RAP1GAP2: variants seen among roughly 807,000 people sequenced by gnomAD.
RAP1GAP2 encodes rap1 GTPase-activating protein 2.
A neutral mutation model predicts 95.0 loss-of-function variants in RAP1GAP2; 27 were observed. The ratio of observed to expected loss-of-function variants is 0.28; its 90% CI spans 0.21 to 0.39. RAP1GAP2 has a LOEUF of 0.39. Among genes scored for constraint, RAP1GAP2 ranks in the 10% least tolerant of loss-of-function variants. RAP1GAP2 has a pLI of 1.00. For synonymous variants in RAP1GAP2, 373 were observed against 380.9 expected (o/e 0.98, Z 0.24); for missense variants, 771 against 970.0 (o/e 0.79, Z 2.72).
At chr17:2,772,032 C>T (rs1317542892) in intron 2 of RAP1GAP2, among the ~76,000 whole-genome samples, 1 of 152,074 alleles carries the variant, frequency 6.6e-6, no homozygotes, top group African/African-American at 2.4e-5. Flanking sequence ...TCTTGTTACC[C>T]AGCCTGGAGT....
intron 2 of RAP1GAP2, among the ~76,000 whole-genome samples, chr17:2,831,718 C>T (rs2070862622): frequency 6.6e-6 from 1 of 151,740 alleles, no homozygotes; most frequent in South Asian, 2.1e-4. Flanking sequence ...GGCAGCATGA[C>T]AAAACCTCAT....
At position 3,005,914 on chromosome 17, in the gene RAP1GAP2, G is replaced by T; in HGVS notation, c.1273-41G>T. 6.3e-7 allele frequency: 1 copy of T among 1,577,890 alleles called. No individual in the cohort carries two copies. Among genetic ancestry groups the T allele is most frequent in the Non-Finnish European group, 8.7e-7 (1 of 1,147,216 alleles). On this transcript the variant is annotated intron_variant, in intron 15 of 24. Transcript: ENST00000254695. The surrounding 1 kb of genome is among the most constrained non-coding windows in gnomAD (Gnocchi z 5.2). ...TGTGGCTGAAGACCTTCTGGCAACA[G>T]CCGAGAGTGACAGACCTGAGGTCCG... is the stretch of plus-strand genomic sequence containing the variant.
intron 10 of RAP1GAP2, among the ~76,000 whole-genome samples, chr17:2,982,498 A>G (rs1193676922): frequency 2.6e-5 from 4 of 152,166 alleles, no homozygotes; most frequent in South Asian, 2.1e-4. Context: ...CCGTGTATCC[A>G]TCTGCAGTGG....
At chr17:2,917,565 C>T (rs2042612566) in intron 3 of RAP1GAP2, among the ~76,000 whole-genome samples, 1 of 151,648 alleles carries the variant, frequency 6.6e-6, no homozygotes. Flanking sequence ...CCACCGTGCC[C>T]AGCCATTTTT....
intron 2 of RAP1GAP2, among the ~76,000 whole-genome samples, chr17:2,806,280 C>T (rs966401546): frequency 6.6e-6 from 1 of 152,092 alleles, no homozygotes; most frequent in Non-Finnish European, 1.5e-5. Flanking sequence ...TTTCCTAGGT[C>T]CCTGGGGACT....
rs60085718 is a variant in RAP1GAP2 at position 2,766,212 on chromosome 17, G to A, written c.51-4117G>A. On this transcript the variant is annotated intron_variant, in intron 1 of 25. Transcript: ENST00000637138. ...TGCACCCTGGGGCCCATTCTACCAC[G>A]GCGCCTTTCTCCCAGTGAGTCCTTG... is the stretch of plus-strand genomic sequence containing the variant. Among the ~76,000 whole-genome samples, 2,503 of 152,224 alleles carry A rather than the reference G, an allele frequency of 0.016. 190 individuals carry two copies. The East Asian group carries it at 0.23, about 14-fold the overall frequency.
chr17:2,814,896 C>T (rs1279393176), intron 2 of RAP1GAP2, among the ~76,000 whole-genome samples: 1 of 152,096 alleles, frequency 6.6e-6, no homozygotes, highest in Non-Finnish European at 1.5e-5. Flanking sequence ...GGTGCTTTGC[C>T]ACCAGCAGAC....
chr17:2,799,158 G>A (rs1315670324), intron 1 of RAP1GAP2, among the ~76,000 whole-genome samples: 1 of 152,198 alleles, frequency 6.6e-6, no homozygotes, highest in African/African-American at 2.4e-5. Flanking sequence ...AGCAGAGTGT[G>A]GGGCTCTGAG....
At chr17:2,820,392 G>A (rs1359372323) in intron 2 of RAP1GAP2, among the ~76,000 whole-genome samples, 3 of 152,098 alleles carry the variant, frequency 2.0e-5, no homozygotes, top group Non-Finnish European at 2.9e-5. Context: ...AGGCCAAGGT[G>A]GGCGGATCAC....
rs1185708288 is a variant in RAP1GAP2, at chr17:3,027,212, G to A, written c.2107+142G>A. 11 of 1,089,930 alleles carry A rather than the reference G, an allele frequency of 1.0e-5. No individual in the cohort carries two copies. The highest frequency in any genetic ancestry group is 5.6e-5 in the South Asian group (3 of 53,238). The allele number at this position is 1,089,930 out of a possible 1,614,324, so 67.5% of individuals were successfully genotyped here. ...GTGAGGCCCTCCGCTCTGTGCGCCC[G>A]CCTCTTCTGTTCATCAGCCTTAAGA... On this transcript the variant is annotated intron_variant, in intron 22 of 24. Coordinates refer to ENST00000254695, the MANE Select transcript of RAP1GAP2 (RefSeq NM_015085.5). This position sits in a 1 kb window ranked among gnomAD's most constrained non-coding sequence, Gnocchi z 5.2.
At chr17:2,834,989 T>A (rs2071067433) in intron 2 of RAP1GAP2, among the ~76,000 whole-genome samples, 1 of 151,046 alleles carries the variant, frequency 6.6e-6, no homozygotes, top group African/African-American at 2.4e-5. Flanking sequence ...GCGTGATCTC[T>A]CCTCACTGCA....
chr17:2,997,658 CA>C (rs2046006266), intron 13 of RAP1GAP2, among the ~76,000 whole-genome samples: 1 of 151,896 alleles, frequency 6.6e-6, no homozygotes, highest in Non-Finnish European at 1.5e-5. Flanking sequence ...GAAGGTTGGG[CA>C]CAGTGGCTTA....
chr17:2,959,052 G>A (rs1009240618), intron 4 of RAP1GAP2, among the ~76,000 whole-genome samples: 3 of 152,178 alleles, frequency 2.0e-5, no homozygotes, highest in African/African-American at 7.2e-5. Context: ...ATAATCAAGT[G>A]CTCCATTGCT....
At chr17:2,786,572 T>G (rs2068781378) in intron 1 of RAP1GAP2, among the ~76,000 whole-genome samples, 1 of 152,100 alleles carries the variant, frequency 6.6e-6, no homozygotes, top group Admixed American at 6.5e-5. Flanking sequence ...CTGTGTGTTC[T>G]CCTTTAGTGA....
At position 3,029,249 on chromosome 17, in the gene RAP1GAP2, C is replaced by T. The variant is rs1404067128; in HGVS notation, c.2108-1673C>T. Among the ~76,000 whole-genome samples the T allele has an allele frequency of 2.6e-5, 4 of 152,222 alleles. No individual in the cohort carries two copies. Among genetic ancestry groups the T allele is most frequent in the Non-Finnish European group, 5.9e-5 (4 of 68,046 alleles). Reference sequence around the variant, plus strand: ...TTTGAGTAAAGGAATTAGAGAGTCTCTGCAGGTTGCTGAAGGTCACCGAGG... The same window carrying T: ...TTTGAGTAAAGGAATTAGAGAGTCTTTGCAGGTTGCTGAAGGTCACCGAGG... On this transcript the variant is annotated intron_variant, in intron 22 of 24. Coordinates refer to ENST00000254695, the MANE Select transcript of RAP1GAP2 (RefSeq NM_015085.5). This position sits in a 1 kb window ranked among gnomAD's most constrained non-coding sequence, Gnocchi z 4.4.
chr17:2,923,668 G>A (rs2034102), intron 3 of RAP1GAP2, among the ~76,000 whole-genome samples: 1 of 144,316 alleles, frequency 6.9e-6, no homozygotes, highest in Admixed American at 6.9e-5. Flanking sequence ...TTTTTTTTTT[G>A]TGTGTGTGCA....
intron 3 of RAP1GAP2, among the ~76,000 whole-genome samples, chr17:2,948,874 G>A (rs927491381): frequency 3.9e-5 from 6 of 152,158 alleles, no homozygotes; most frequent in Admixed American, 3.9e-4. Flanking sequence ...TTTTCCCGTC[G>A]CTTCTTCTGC....
rs946723130 is a variant in RAP1GAP2 at position 2,895,321 on chromosome 17, TCTC to T, written c.81-9956_81-9954del. Among the ~76,000 whole-genome samples, 14 of 152,232 alleles carry T rather than the reference TCTC, an allele frequency of 9.2e-5. No individual in the cohort carries two copies. The East Asian group carries it at 1.6e-3, about 17-fold the overall frequency. On this transcript the variant is annotated intron_variant, in intron 2 of 24. Coordinates refer to ENST00000254695, the MANE Select transcript of RAP1GAP2 (RefSeq NM_015085.5). ...GGGATCTCCTCCCCAGCGGGCCCCT[TCTC>T]CTCCTCAGAGGCAGTGTAGCACCGT...
At chr17:2,880,288 A>G (rs1405371813) in intron 2 of RAP1GAP2, among the ~76,000 whole-genome samples, 2 of 134,290 alleles carry the variant, frequency 1.5e-5, no homozygotes, top group African/African-American at 2.8e-5. Flanking sequence ...GGCTGTGTAG[A>G]CCGGTTGGGG....
Sources: allele counts gnomAD v4.1 joint callset (sites outside exome capture counted in the v4.1 genomes callset), GRCh38; gene constraint gnomAD v4.1.1; non-coding constraint Gnocchi (gnomAD v3.1); transcripts MANE v1.5; gene names NCBI Gene and HGNC (gene_info 2026-07-23, HGNC 2026-07-21).